LDLRAD4: variants seen among roughly 807,000 people sequenced by gnomAD.
The protein encoded by LDLRAD4 is low density lipoprotein receptor class A domain containing 4, also known as low-density lipoprotein receptor class A domain-containing protein 4.
LDLRAD4 carries 5 observed loss-of-function variants against 17.0 expected under a neutral mutation model. That is an observed-to-expected ratio of 0.29 (90% confidence interval 0.15 to 0.62). LDLRAD4 has a LOEUF of 0.62. Ranked by LOEUF, LDLRAD4 falls within the 20% of genes least tolerant of loss-of-function variation. LDLRAD4 has a pLI of 0.84. For missense variants in LDLRAD4, 340 were observed against 424.7 expected, an observed-to-expected ratio of 0.80 and a Z score of 1.75; for synonymous variants, 168 against 171.8, an observed-to-expected ratio of 0.98 and a Z score of 0.17.
intron 1 of LDLRAD4, among the ~76,000 whole-genome samples, chr18:13,267,864 C>CTT (rs2044307137): frequency 6.6e-6 from 1 of 152,198 alleles, no homozygotes; most frequent in East Asian, 1.9e-4. Flanking sequence ...CTTAAGGTAA[C>CTT]ATGGGCAGAC....
chr18:13,541,666 TCA>T (rs747497610), intron 3 of LDLRAD4, among the ~76,000 whole-genome samples: 1 of 152,230 alleles, frequency 6.6e-6, no homozygotes, highest in Non-Finnish European at 1.5e-5. Flanking sequence ...CCCTTCTGAA[TCA>T]CAGTGTTCAG....
intron 1 of LDLRAD4, among the ~76,000 whole-genome samples, chr18:13,363,775 TTTATAA>T (rs1171900952): frequency 1.3e-5 from 2 of 152,376 alleles, no homozygotes; most frequent in Non-Finnish European, 2.9e-5. Flanking sequence ...AGCTTGAGTC[TTTATAA>T]TTATAATCAG....
chr18:13,267,088 A>T (rs1431819791), intron 1 of LDLRAD4, among the ~76,000 whole-genome samples: 1 of 152,268 alleles, frequency 6.6e-6, no homozygotes, highest in Middle Eastern at 3.2e-3. Flanking sequence ...TGAATTATGA[A>T]TGCGACTGCT....
chr18:13,438,202 G>T, intron 2 of LDLRAD4, 42 bp from the exon 4 acceptor site: 1 of 1,592,990 alleles, frequency 6.3e-7, no homozygotes, highest in Middle Eastern at 1.7e-4. Flanking sequence ...AGAGCACCAA[G>T]CTTGCATTGA....
At position 13,481,608 on chromosome 18, in the gene LDLRAD4, A is replaced by C. The variant is rs140913769; in HGVS notation, c.181+43224A>C. On this transcript the variant is annotated intron_variant, in intron 3 of 5. Transcript: ENST00000359446. ...CCAGTCTCCACCCCCTCCCCACCGC[A>C]CGCACCTCTTCTGGGGCAGCAGTGT... 8.0e-4 allele frequency among the ~76,000 whole-genome samples: 121 copies of C among 151,668 alleles called. 1 individual carries two copies. The East Asian group carries it at 0.02, about 25-fold the overall frequency.
At chr18:13,513,542 G>A (rs1396256994) in intron 3 of LDLRAD4, among the ~76,000 whole-genome samples, 3 of 152,184 alleles carry the variant, frequency 2.0e-5, no homozygotes, top group South Asian at 2.1e-4. Flanking sequence ...TGGGGATCCC[G>A]TGGGGAGCTG....
intron 1 of LDLRAD4, among the ~76,000 whole-genome samples, chr18:13,302,984 G>C (rs1216935447): frequency 1.3e-5 from 2 of 152,248 alleles, no homozygotes; most frequent in African/African-American, 4.8e-5. Context: ...CAAGAGGAAA[G>C]CTTTTGGTTC....
chr18:13,380,467 C>G (rs2085269532), intron 1 of LDLRAD4, among the ~76,000 whole-genome samples: 1 of 152,220 alleles, frequency 6.6e-6, no homozygotes, highest in African/African-American at 2.4e-5. Flanking sequence ...CAACCTGTCC[C>G]CTCTCCCTGA....
chr18:13,315,568 T>G (rs1325865700), intron 1 of LDLRAD4, among the ~76,000 whole-genome samples: 2 of 152,114 alleles, frequency 1.3e-5, no homozygotes, highest in African/African-American at 4.8e-5. Flanking sequence ...GAGGATCACC[T>G]GAGGTCGGGA....
At chr18:13,437,248 G>A (rs1291144090) in intron 2 of LDLRAD4, among the ~76,000 whole-genome samples, 2 of 152,230 alleles carry the variant, frequency 1.3e-5, no homozygotes, top group African/African-American at 4.8e-5. Flanking sequence ...TGGCGGTGAG[G>A]AACCCGGGAC....
At chr18:13,351,659 T>G (rs1568038725) in intron 1 of LDLRAD4, among the ~76,000 whole-genome samples, 1 of 152,160 alleles carries the variant, frequency 6.6e-6, no homozygotes, top group Non-Finnish European at 1.5e-5. Flanking sequence ...ACCAGACAGA[T>G]TCACAGCCAA....
At chr18:13,311,287 G>A (rs772674076) in intron 1 of LDLRAD4, among the ~76,000 whole-genome samples, 2 of 152,230 alleles carry the variant, frequency 1.3e-5, no homozygotes, top group Non-Finnish European at 2.9e-5. Context: ...TGTCAGGGGT[G>A]GATGGTGGGT....
chr18:13,435,869 T>A (rs2090621626), intron 2 of LDLRAD4, among the ~76,000 whole-genome samples: 1 of 152,216 alleles, frequency 6.6e-6, no homozygotes. Context: ...AGACAACAAG[T>A]GATTTGGGGA....
At chr18:13,636,026 G>A (rs2042052833) in intron 4 of LDLRAD4, among the ~76,000 whole-genome samples, 1 of 151,938 alleles carries the variant, frequency 6.6e-6, no homozygotes, top group Admixed American at 6.6e-5. Flanking sequence ...TCTGCCTTTG[G>A]CGTGTTTACT....
chr18:13,239,758 C>G (rs1178088492), intron 1 of LDLRAD4: 2 of 152,298 alleles, frequency 1.3e-5, no homozygotes, highest in African/African-American at 4.8e-5. Context: ...AAGAGTGGAG[C>G]CCCAAGTTGC....
intron 1 of LDLRAD4, among the ~76,000 whole-genome samples, chr18:13,255,549 G>T (rs1359724873): frequency 1.3e-5 from 2 of 152,220 alleles, no homozygotes; most frequent in Non-Finnish European, 2.9e-5. Context: ...GTGTGGGTAT[G>T]TGTGATTTCC....
chr18:13,604,432 T>C (rs1049026749), intron 3 of LDLRAD4, among the ~76,000 whole-genome samples: 1 of 152,184 alleles, frequency 6.6e-6, no homozygotes, highest in Non-Finnish European at 1.5e-5. Context: ...ATATACTGCG[T>C]GTGTGCAAGA....
At chr18:13,446,968 C>T (rs1034685011) in intron 3 of LDLRAD4, among the ~76,000 whole-genome samples, 7 of 152,146 alleles carry the variant, frequency 4.6e-5, no homozygotes, top group Non-Finnish European at 8.8e-5. Context: ...GGGTGTGGGT[C>T]AGGGGTCTTC....
intron 4 of LDLRAD4, among the ~76,000 whole-genome samples, chr18:13,628,102 T>C (rs148676872): frequency 6.6e-6 from 1 of 152,336 alleles, no homozygotes. Context: ...AGCGCCACAC[T>C]GTTCATTCCC....
Sources: gnomAD v4.1 joint callset for allele counts (sites outside exome capture counted in the v4.1 genomes callset) on GRCh38, gnomAD v4.1.1 for gene constraint, MANE v1.5 for transcripts, NCBI Gene and HGNC (gene_info 2026-07-23, HGNC 2026-07-21) for gene names.